Variants in SEC62 observed in about 807,000 individuals in gnomAD.
SEC62 encodes the protein SEC62 preprotein translocation factor, also known as translocation protein SEC62.
A neutral mutation model predicts 47.5 loss-of-function variants in SEC62; 10 were observed. The observed-to-expected ratio is 0.21, with a 90% CI of 0.13 to 0.36. The LOEUF is 0.36. Ranked by LOEUF, SEC62 falls within the 10% of genes least tolerant of loss-of-function variation. The pLI is 1.00. For missense variants in SEC62, 327 were observed against 464.1 expected (o/e 0.70, Z 2.71); for synonymous variants, 136 against 150.5 (o/e 0.90, Z 0.71).
In SEC62 at chr3:169,995,256, A is replaced by G. The variant is rs969567805; in HGVS notation, c.*2193A>G. ...GTAGAAAGCATGAAGCTTTTTGATCATGTAGGGCTTATTGTAGAGGGTATC... is the reference window on the plus strand; with the variant it reads ...GTAGAAAGCATGAAGCTTTTTGATCGTGTAGGGCTTATTGTAGAGGGTATC... On this transcript the variant is annotated 3_prime_UTR_variant, in exon 8 of 8. Transcript: ENST00000337002. 4 of 152,172 alleles carry G rather than the reference A, an allele frequency of 2.6e-5. No homozygotes were observed. The highest frequency in any genetic ancestry group is 4.4e-5 in the Non-Finnish European group (3 of 68,012). 9.4% of individuals were successfully genotyped at this position (152,172 alleles called of 1,614,324 possible).
chr3:169,992,711 C>T lies in SEC62; in HGVS notation c.848C>T (p.Thr283Ile). The T allele has an allele frequency of 6.2e-7, 1 of 1,614,104 alleles. No individual in the cohort carries two copies. Among genetic ancestry groups the T allele is most frequent in the Non-Finnish European group, 8.5e-7 (1 of 1,180,032 alleles). Residue 283 changes from threonine (T) to isoleucine (I), a missense_variant, in exon 8 of 8, where the codon ACA becomes ATA. Coordinates refer to ENST00000337002, the MANE Select transcript of SEC62 (RefSeq NM_003262.4). The surrounding 1 kb of genome is among the most constrained non-coding windows in gnomAD (Gnocchi z 4.0). ...GFIDSFRPLY[T>I]HEYKGPKADL... ...ATTGACTCCTTCAGGCCTCTGTACA[C>T]ACATGAATACAAAGGACCAAAAGCA...
chr3:169,977,260 A>G (rs1230160292), intron 3 of SEC62, among the ~76,000 whole-genome samples: 2 of 151,982 alleles, frequency 1.3e-5, no homozygotes, highest in Non-Finnish European at 2.9e-5. Flanking sequence ...TTTATGTTCT[A>G]TTTTATATAT....
rs141360935 is a variant in SEC62 at position 169,992,917 on chromosome 3, C to G, written c.1054C>G (p.Arg352Gly). ...GGACAGTGACAGGAGGGAAGATGATCGATCCCAGCACAGTAGTGGAAATGG... is the reference window on the plus strand; with the variant it reads ...GGACAGTGACAGGAGGGAAGATGATGGATCCCAGCACAGTAGTGGAAATGG... ...DTDSDRREDD[R>G]SQHSSGNGND... The change falls in exon 8 of 8, where the codon CGA (arginine) becomes GGA (glycine). Residue 352 changes from arginine (R) to glycine (G), a missense_variant. Arg to Gly is a moderately radical substitution (Grantham distance 125). Transcript: ENST00000337002. This position sits in a 1 kb window ranked among gnomAD's most constrained non-coding sequence, Gnocchi z 4.0. 14 of 1,613,566 alleles carry G rather than the reference C, an allele frequency of 8.7e-6. No homozygotes were observed. Among genetic ancestry groups the G allele is most frequent in the Non-Finnish European group, 1.2e-5 (14 of 1,179,938 alleles).
intron 1 of SEC62, among the ~76,000 whole-genome samples, chr3:169,971,403 T>A (rs1039769091): frequency 1.3e-5 from 2 of 152,202 alleles, no homozygotes; most frequent in Non-Finnish European, 2.9e-5. Context: ...CAATCTATCT[T>A]TCTGGCTTCA....
chr3:169,983,054 T>G lies in SEC62; in HGVS notation c.457-107T>G. 5 of 1,460,898 alleles carry G rather than the reference T, an allele frequency of 3.4e-6. No homozygotes were observed. The South Asian group carries it at 6.7e-5, about 20-fold the overall frequency. 90.5% of individuals were successfully genotyped at this position (1,460,898 alleles called of 1,614,324 possible). On this transcript the variant is annotated intron_variant, in intron 4 of 7. Transcript: ENST00000337002. ...TTGTTATAAATACCGTGGTTGAGAATTTTTATTTCTGTGTTACAAATAGTC... is the reference window on the plus strand; with the variant it reads ...TTGTTATAAATACCGTGGTTGAGAAGTTTTATTTCTGTGTTACAAATAGTC...
intron 5 of SEC62, chr3:169,985,351 C>T (rs62293448): frequency 0.035 from 5,386 of 153,338 alleles, 129 homozygotes; most frequent in South Asian, 0.065. Context: ...AAGCAATTCT[C>T]CTGCCTCAGC....
At chr3:169,990,113 T>C (rs1229561630) in intron 7 of SEC62, among the ~76,000 whole-genome samples, 1 of 150,636 alleles carries the variant, frequency 6.6e-6, no homozygotes, top group African/African-American at 2.4e-5. Flanking sequence ...TATATATTCA[T>C]TTTTTGGAGA....
rs994536022 is a variant in SEC62, at chr3:169,997,415, G to A, written c.*4352G>A. 9.9e-5 allele frequency: 15 copies of A among 152,158 alleles called. No homozygotes were observed. Among genetic ancestry groups the A allele is most frequent in the African/African-American group, 3.1e-4 (13 of 41,426 alleles). 9.4% of individuals were successfully genotyped at this position (152,158 alleles called of 1,614,324 possible). The stretch of plus-strand genomic sequence containing the variant: ...TTATTTCATTTTCAATGATTTCCTA[G>A]ATCACTTTAACTTTTTTGTGTCATG... On this transcript the variant is annotated 3_prime_UTR_variant, in exon 8 of 8. Coordinates refer to ENST00000337002, the MANE Select transcript of SEC62 (RefSeq NM_003262.4).
chr3:169,982,582 G>T (rs1463313118), intron 3 of SEC62, 125 bp from the exon 4 acceptor site: 2 of 1,130,250 alleles, frequency 1.8e-6, no homozygotes, highest in Non-Finnish European at 2.6e-6. Context: ...GGGCATACTA[G>T]TTGTAATTTC....
At position 169,992,862 on chromosome 3, in the gene SEC62, A is replaced by G; in HGVS notation, c.999A>G (p.Glu333=). 6.2e-7 allele frequency: 1 copy of G among 1,614,134 alleles called. No individual in the cohort carries two copies. The highest frequency in any genetic ancestry group is 8.5e-7 in the Non-Finnish European group (1 of 1,180,024). The change falls in exon 8 of 8, where the codon GAA becomes GAG. Residue 333 remains glutamate, a synonymous_variant. Transcript: ENST00000337002. This position sits in a 1 kb window ranked among gnomAD's most constrained non-coding sequence, Gnocchi z 4.0. ...TAGGACCAGGAAATCATGGAACAGA[A>G]GGCTCGGGGGGAGAACGGCATTCAG... The part of the protein sequence containing the change: ...GKVGPGNHGT[E]GSGGERHSDT...
intron 3 of SEC62, among the ~76,000 whole-genome samples, chr3:169,977,549 C>A (rs1158263840): frequency 6.6e-6 from 1 of 152,020 alleles, no homozygotes; most frequent in Non-Finnish European, 1.5e-5. Context: ...CTGAGAATTT[C>A]AAGATGAAAT....
chr3:169,983,123 C>T, intron 4 of SEC62, 38 bp from the exon 5 acceptor site: 1 of 1,526,694 alleles, frequency 6.6e-7, no homozygotes, highest in Non-Finnish European at 9.0e-7. Flanking sequence ...TTCTTGCTTA[C>T]TTGTGTTATT....
In SEC62 at chr3:169,983,082, T is replaced by C. The variant is rs139052532; in HGVS notation, c.457-79T>C. On this transcript the variant is annotated intron_variant, in intron 4 of 7. Coordinates refer to ENST00000337002, the MANE Select transcript of SEC62 (RefSeq NM_003262.4). ...TTATTTCTGTGTTACAAATAGTCAGTGAAAGTTTTTTGACTGTATGAACAT... is the reference window on the plus strand; with the variant it reads ...TTATTTCTGTGTTACAAATAGTCAGCGAAAGTTTTTTGACTGTATGAACAT... The C allele has an allele frequency of 6.2e-6, 9 of 1,454,508 alleles. No individual in the cohort carries two copies. The East Asian group carries it at 1.8e-4, about 29-fold the overall frequency. 90.1% of individuals were successfully genotyped at this position (1,454,508 alleles called of 1,614,324 possible).
rs373487337 is a variant in SEC62 at position 169,978,235 on chromosome 3, C to G, written c.251+1184C>G. ...CGGAGCTTGCAGTGAGCCGAGGTTG[C>G]GCCACTGCACTCCAGCCTGGGCGAC... On this transcript the variant is annotated intron_variant, in intron 3 of 7. Coordinates refer to ENST00000337002, the MANE Select transcript of SEC62 (RefSeq NM_003262.4). Among the ~76,000 whole-genome samples the G allele has an allele frequency of 1.7e-3, 255 of 152,114 alleles. 3 individuals are homozygous for G. Among genetic ancestry groups the G allele is most frequent in the African/African-American group, 6.1e-3 (251 of 41,474 alleles).
At chr3:169,987,638 C>T (rs1449313554) in intron 6 of SEC62, among the ~76,000 whole-genome samples, 1 of 152,158 alleles carries the variant, frequency 6.6e-6, no homozygotes, top group Non-Finnish European at 1.5e-5. Context: ...TGGTCTTATT[C>T]TAAAGACCTA....
At chr3:169,983,114 T>C in intron 4 of SEC62, 47 bp from the exon 5 acceptor site, 1 of 1,508,132 alleles carries the variant, frequency 6.6e-7, no homozygotes, top group Non-Finnish European at 9.1e-7. Context: ...ACATCATATT[T>C]CTTGCTTACT....
At chr3:169,968,277 A>G (rs766842600) in intron 1 of SEC62, 1 of 152,216 alleles carries the variant, frequency 6.6e-6, no homozygotes, top group Non-Finnish European at 1.5e-5. Flanking sequence ...ATGCCCTTCA[A>G]TACACATTGT....
rs1392538309 is a variant in SEC62, at chr3:169,994,012, C to T, written c.*949C>T. On this transcript the variant is annotated 3_prime_UTR_variant, in exon 8 of 8. Transcript: ENST00000337002. Reference sequence around the variant, plus strand: ...TATGAGCAAAAACTGATCTTAAGAGCAGACTTAAAGTAGCTTTGTACGCCT... The same window carrying T: ...TATGAGCAAAAACTGATCTTAAGAGTAGACTTAAAGTAGCTTTGTACGCCT... 4 of 152,578 alleles carry T rather than the reference C, an allele frequency of 2.6e-5. No homozygotes were observed. Among genetic ancestry groups the T allele is most frequent in the Non-Finnish European group, 5.9e-5 (4 of 68,022 alleles). 9.5% of individuals were successfully genotyped at this position (152,578 alleles called of 1,614,324 possible). A position where few individuals can be genotyped will look rare whatever the true frequency, so the allele number is the denominator to read the frequency against.
At chr3:169,975,429 G>C in intron 1 of SEC62, 179 bp from the exon 2 acceptor site, 1 of 468,848 alleles carries the variant, frequency 2.1e-6, no homozygotes, top group Non-Finnish European at 3.9e-6. Context: ...GAAAAACGTA[G>C]TTTCTTTAAA....
Sources: allele counts gnomAD v4.1 joint callset (sites outside exome capture counted in the v4.1 genomes callset), GRCh38; gene constraint gnomAD v4.1.1; non-coding constraint Gnocchi (gnomAD v3.1); transcripts MANE v1.5; gene names NCBI Gene and HGNC (gene_info 2026-07-23, HGNC 2026-07-21).